The following CELF3 variants were observed in gnomAD, a reference collection of about 807,000 sequenced individuals.
The protein encoded by CELF3 is CAG repeat domain.
Under a neutral mutation model 59.6 loss-of-function variants are expected in CELF3, and 26 were observed. The ratio of observed to expected loss-of-function variants is 0.44; its 90% CI spans 0.32 to 0.61. CELF3 has a LOEUF of 0.61. CELF3 is among the 20% of genes least tolerant of loss of function. CELF3 has a pLI of 0.06. For synonymous variants in CELF3, 245 were observed against 250.7 expected (o/e 0.98, Z 0.22); for missense variants, 387 against 627.2 (o/e 0.62, Z 4.09).
chr1:151,707,895 T>C lies in CELF3; in HGVS notation c.527A>G (p.Glu176Gly). ...CATGCGGCGGAGACCTCGCTCCTTC[T>C]CAGTGTCAGCAAACTTCACCACCAG... is the stretch of plus-strand genomic sequence containing the variant. ...SSLVVKFADT[E>G]KERGLRRMQQ... is the part of the protein sequence containing the mutation. Residue 176 changes from glutamate (E) to glycine (G), a missense_variant, in exon 6 of 13, where the codon GAG (glutamate) becomes GGG (glycine). Glu to Gly is a moderately conservative substitution (Grantham distance 98). Around this residue, in one of 3 missense-constraint regions of CELF3, gnomAD observed 208 missense variants for 354.8 expected, o/e 0.59. Coordinates refer to ENST00000290583, the MANE Select transcript of CELF3 (RefSeq NM_007185.7). 6.2e-7 allele frequency: 1 copy of C among 1,613,744 alleles called. No individual in the cohort carries two copies. The highest frequency in any genetic ancestry group is 8.5e-7 in the Non-Finnish European group (1 of 1,179,752).
chr1:151,704,820 TGAGAGA>T (rs952610429), intron 12 of CELF3, among the ~76,000 whole-genome samples: 5 of 148,170 alleles, frequency 3.4e-5, no homozygotes, highest in South Asian at 4.3e-4. Context: ...TGTGTGTGTG[TGAGAGA>T]GAGAGAGAGA....
intron 2 of CELF3, chr1:151,710,606 C>T (rs955704829): frequency 2.2e-6 from 1 of 456,204 alleles, no homozygotes; most frequent in East Asian, 6.9e-5. Flanking sequence ...CATCCCATCC[C>T]TTCTCCTGCC....
rs531896879 is a variant in CELF3, at chr1:151,709,609, C to G, written c.277+134G>C. On this transcript the variant is annotated intron_variant, in intron 3 of 12. Transcript: ENST00000290583. This position sits in a 1 kb window ranked among gnomAD's most constrained non-coding sequence, Gnocchi z 4.9. Reference sequence around the variant, plus strand: ...CTCACCCGCTCTGGCCACACTGACTCCTATCTCACCGCAGCTGGGAACTCT... The same window carrying G: ...CTCACCCGCTCTGGCCACACTGACTGCTATCTCACCGCAGCTGGGAACTCT... 3.8e-6 allele frequency: 4 copies of G among 1,039,734 alleles called. No homozygotes were observed. In the East Asian group the frequency reaches 9.9e-5, roughly 26 times the overall value. 64.4% of individuals were successfully genotyped at this position (1,039,734 alleles called of 1,614,324 possible).
chr1:151,714,298 C>T, intron 2 of CELF3: 2 of 580,502 alleles, frequency 3.4e-6, no homozygotes, highest in South Asian at 4.4e-5. Context: ...CCACACCTTC[C>T]AACCAGCGAG....
rs762361977 is a variant in CELF3, at chr1:151,705,037, G to A, written c.*4C>T. ...ACAACGGAGCGGGACCCACCTGGGG[G>A]CCCTCAGTAGGGCCGGTTGGCATCC... On this transcript the variant is annotated 3_prime_UTR_variant, in exon 12 of 13. Transcript: ENST00000290583. The surrounding 1 kb of genome is among the most constrained non-coding windows in gnomAD (Gnocchi z 5.1). 1.9e-6 allele frequency: 3 copies of A among 1,610,612 alleles called. No individual in the cohort carries two copies. Among genetic ancestry groups the A allele is most frequent in the East Asian group, 2.2e-5 (1 of 44,774 alleles).
rs1166376221 is a variant in CELF3 at position 151,713,174 on chromosome 1, C to T, written c.228+1420G>A. Among the ~76,000 whole-genome samples the T allele has an allele frequency of 3.3e-5, 5 of 152,180 alleles. No homozygotes were observed. In the South Asian group the frequency reaches 8.3e-4, roughly 25 times the overall value. On this transcript the variant is annotated intron_variant, in intron 2 of 12. Transcript: ENST00000290583. Reference sequence around the variant, plus strand: ...ACAAGGGCTAAAGTGGAGAATTCAGCGTCACCTAGAAGCTCTGGAGAAGGG... The same window carrying T: ...ACAAGGGCTAAAGTGGAGAATTCAGTGTCACCTAGAAGCTCTGGAGAAGGG...
rs1484728016 is a variant in CELF3, at chr1:151,703,597, G to A, written c.*11-149C>T. On this transcript the variant is annotated intron_variant, in intron 12 of 12. Coordinates refer to ENST00000290583, the MANE Select transcript of CELF3 (RefSeq NM_007185.7). ...CAGATCATCAGGCCTCAGTCCAAAC[G>A]GACCCATCTGCCCCCACCCCCAGCC... The A allele has an allele frequency of 4.1e-5, 12 of 295,058 alleles. No individual in the cohort carries two copies. The East Asian group carries it at 8.0e-4, about 20-fold the overall frequency. 18.3% of individuals were successfully genotyped at this position (295,058 alleles called of 1,614,324 possible).
Position 151,700,084 on chromosome 1 carries a change from T to C in CELF3, c.*3375A>G, listed in dbSNP as rs75885346. ...TACAGTGGTTAAAGTCAAACATTTA[T>C]TAGGTATCTGCTGTTGGGGGTGGGG... On this transcript the variant is annotated 3_prime_UTR_variant, in exon 13 of 13. Coordinates refer to ENST00000290583, the MANE Select transcript of CELF3 (RefSeq NM_007185.7). Among the ~76,000 whole-genome samples, 1,594 of 152,306 alleles carry C rather than the reference T, an allele frequency of 0.01. 25 individuals are homozygous for C. The highest frequency in any genetic ancestry group is 0.036 in the African/African-American group (1,515 of 41,566).
intron 9 of CELF3, 104 bp downstream of exon 9, chr1:151,706,565 A>G: frequency 7.6e-7 from 1 of 1,318,414 alleles, no homozygotes; most frequent in Non-Finnish European, 1.1e-6. Flanking sequence ...AAGCCTGAAG[A>G]GGGTGATTGG....
intron 12 of CELF3, among the ~76,000 whole-genome samples, chr1:151,704,754 T>G (rs1172706930): frequency 6.6e-6 from 1 of 151,714 alleles, no homozygotes; most frequent in Admixed American, 6.6e-5. Context: ...TTGTGGAAGG[T>G]CCAGGGAGTG....
At chr1:151,713,265 G>A (rs1300574542) in intron 2 of CELF3, among the ~76,000 whole-genome samples, 1 of 152,198 alleles carries the variant, frequency 6.6e-6, no homozygotes, top group African/African-American at 2.4e-5. Flanking sequence ...TCCTCAAGAA[G>A]GGCAGGTGGT....
Position 151,705,172 on chromosome 1 carries a change from G to A in CELF3, c.1271-4C>T, listed in dbSNP as rs188307157. Reference sequence around the variant, plus strand: ...GGATTGTCGAAACTCACAAAGCCTGGGGTGAGAGGGGCATAAGGCCCGGCC... The same window carrying A: ...GGATTGTCGAAACTCACAAAGCCTGAGGTGAGAGGGGCATAAGGCCCGGCC... On this transcript the variant is annotated splice_polypyrimidine_tract_variant and splice_region_variant and intron_variant, in intron 11 of 12. Coordinates refer to ENST00000290583, the MANE Select transcript of CELF3 (RefSeq NM_007185.7). The surrounding 1 kb of genome is among the most constrained non-coding windows in gnomAD (Gnocchi z 5.1). The A allele has an allele frequency of 8.1e-6, 13 of 1,611,486 alleles. No homozygotes were observed. The highest frequency in any genetic ancestry group is 1.1e-5 in the South Asian group (1 of 90,856).
Position 151,715,433 on chromosome 1 carries a change from C to T in CELF3, c.145+443G>A, listed in dbSNP as rs577089822. Among the ~76,000 whole-genome samples the T allele has an allele frequency of 2.3e-3, 347 of 152,214 alleles. 1 individual carries two copies. The highest frequency in any genetic ancestry group is 8.1e-3 in the African/African-American group (336 of 41,528). ...AGCTGCCCTGCCCAGTCCAGCTCCA[C>T]GCTTTCCACATTGAACACCTGACCC... On this transcript the variant is annotated intron_variant, in intron 1 of 12. Coordinates refer to ENST00000290583, the MANE Select transcript of CELF3 (RefSeq NM_007185.7).
intron 1 of CELF3, among the ~76,000 whole-genome samples, chr1:151,715,027 T>G (rs1035906780): frequency 5.9e-5 from 9 of 151,856 alleles, no homozygotes; most frequent in African/African-American, 1.9e-4. Flanking sequence ...CACCTCCACC[T>G]CCCTCCATCT....
Position 151,707,286 on chromosome 1 carries a change from T to C in CELF3, c.781A>G (p.Thr261Ala). 1 of 1,563,324 alleles carries C rather than the reference T, an allele frequency of 6.4e-7. No homozygotes were observed. The highest frequency in any genetic ancestry group is 1.2e-5 in the South Asian group (1 of 84,974). ...GGCGTGGCAGCGATGGCAGGAGGGG[T>C]GCTGGTTCCTGGGGAGGAGAAAGCG... Reference protein sequence around the residue: ...TPITPSSGTSTPPAIAATPVS... With the variant: ...TPITPSSGTSAPPAIAATPVS... The change falls in exon 8 of 13, where the codon ACC becomes GCC. Residue 261 changes from threonine to alanine, a missense_variant. Thr to Ala is a moderately conservative substitution (Grantham distance 58). Coordinates refer to ENST00000290583, the MANE Select transcript of CELF3 (RefSeq NM_007185.7).
In CELF3 at chr1:151,705,259, G is replaced by A; in HGVS notation, c.1271-91C>T. ...TGGCACTACCCTGTGTCTCCCAAGT[G>A]TCCCAAATGCCTAGAAAGCTGCCTG... On this transcript the variant is annotated intron_variant, in intron 11 of 12. Transcript: ENST00000290583. This position sits in a 1 kb window ranked among gnomAD's most constrained non-coding sequence, Gnocchi z 5.1. 1 of 1,414,112 alleles carries A rather than the reference G, an allele frequency of 7.1e-7. No individual in the cohort carries two copies. The allele number at this position is 1,414,112 out of a possible 1,614,324, so 87.6% of individuals were successfully genotyped here. A position where few individuals can be genotyped will look rare whatever the true frequency, so the allele number is the denominator to read the frequency against.
chr1:151,711,017 A>C, intron 2 of CELF3: 1 of 366,944 alleles, frequency 2.7e-6, no homozygotes, highest in Non-Finnish European at 5.4e-6. Context: ...CAGAAAAATT[A>C]AACCTCAATT....
chr1:151,706,175 C>T, intron 10 of CELF3, 49 bp downstream of exon 10: 1 of 1,611,018 alleles, frequency 6.2e-7, no homozygotes, highest in Non-Finnish European at 8.5e-7. Flanking sequence ...CAGGGAGTCC[C>T]CAAGCCCATA....
intron 2 of CELF3, chr1:151,710,150 A>G (rs1571924326): frequency 6.9e-6 from 2 of 287,844 alleles, no homozygotes; most frequent in East Asian, 1.5e-4. Context: ...AATTGCCTCA[A>G]TTCTACAAAG....
Sources: allele counts gnomAD v4.1 joint callset (sites outside exome capture counted in the v4.1 genomes callset), GRCh38; gene constraint gnomAD v4.1.1; regional missense constraint gnomAD v4.1.1; non-coding constraint Gnocchi (gnomAD v3.1); transcripts MANE v1.5; gene names NCBI Gene and HGNC (gene_info 2026-07-23, HGNC 2026-07-21).